PLD5: variants seen among roughly 807,000 people sequenced by gnomAD.
PLD5 encodes the protein phospholipase D family member 5.
In PLD5, 36 loss-of-function variants were observed where a neutral mutation model predicts 61.1. The observed-to-expected ratio is 0.59, with a 90% CI of 0.45 to 0.78. The LOEUF is 0.78. PLD5 is among the 30% of genes least tolerant of loss of function. PLD5 has a pLI of 0.00. For synonymous variants in PLD5, 243 were observed against 242.8 expected, an observed-to-expected ratio of 1.00 and a Z score of -0.01; for missense variants, 515 against 644.4, an observed-to-expected ratio of 0.80 and a Z score of 2.17.
chr1:242,116,020 T>C (rs1296390000), intron 6 of PLD5, among the ~76,000 whole-genome samples: 1 of 152,230 alleles, frequency 6.6e-6, no homozygotes, highest in Admixed American at 6.5e-5. Context: ...AGTTGCTGTT[T>C]TACTTTGACA....
At chr1:242,319,065 C>T (rs768066272) in intron 2 of PLD5, among the ~76,000 whole-genome samples, 10 of 152,182 alleles carry the variant, frequency 6.6e-5, no homozygotes, top group African/African-American at 9.6e-5. Flanking sequence ...AAGCCCTCCT[C>T]GAACATGGGG....
In PLD5 at chr1:242,411,437, G is replaced by A. The variant is rs566788759; in HGVS notation, c.190-63195C>T. Among the ~76,000 whole-genome samples, 522 of 152,058 alleles carry A rather than the reference G, an allele frequency of 3.4e-3. 1 individual carries two copies. Among genetic ancestry groups the A allele is most frequent in the Non-Finnish European group, 5.6e-3 (383 of 67,946 alleles). On this transcript the variant is annotated intron_variant, in intron 1 of 9. Coordinates refer to ENST00000536534, the MANE Select transcript of PLD5 (RefSeq NM_001372062.1). ...TTTTTAGTAGAGGCGGGGTTTCACC[G>A]TGTTAGCCAGGGTGGTCTCGATCTC...
In PLD5 at chr1:242,253,118, T is replaced by C. The variant is rs1296302510; in HGVS notation, c.607+12219A>G. Among the ~76,000 whole-genome samples the C allele has an allele frequency of 4.8e-5, 3 of 62,616 alleles. No homozygotes were observed. In the East Asian group the frequency reaches 2.3e-3, roughly 48 times the overall value. The allele number at this position is 62,616 out of a possible 152,430, so 41.1% of individuals were successfully genotyped here. A position where few individuals can be genotyped will look rare whatever the true frequency, so the allele number is the denominator to read the frequency against. Reference sequence around the variant, plus strand: ...GCGTGAGCCACCGTGTATGGCCCTTTTTTTTTTTTTTTTTTTTTTGAGGCA... The same window carrying C: ...GCGTGAGCCACCGTGTATGGCCCTTCTTTTTTTTTTTTTTTTTTTGAGGCA... On this transcript the variant is annotated intron_variant, in intron 4 of 9. Transcript: ENST00000536534.
At chr1:242,236,198 C>A (rs1247614895) in intron 4 of PLD5, among the ~76,000 whole-genome samples, 1 of 152,160 alleles carries the variant, frequency 6.6e-6, no homozygotes, top group Non-Finnish European at 1.5e-5. Flanking sequence ...TCTGCCAGCA[C>A]CTTGACCCTG....
In PLD5 at chr1:242,513,483, A is replaced by G. The variant is rs535282435; in HGVS notation, c.189+10605T>C. On this transcript the variant is annotated intron_variant, in intron 1 of 9. Coordinates refer to ENST00000536534, the MANE Select transcript of PLD5 (RefSeq NM_001372062.1). ...TGTTAAGGGTTATAATATGCTGTCC[A>G]TGGTGTTATGGGACCACAGAGGAGG... 2.1e-4 allele frequency among the ~76,000 whole-genome samples: 32 copies of G among 152,330 alleles called. 1 individual carries two copies. Among genetic ancestry groups the G allele is most frequent in the African/African-American group, 7.5e-4 (31 of 41,580 alleles).
At chr1:242,388,106 G>A (rs1284721441) in intron 1 of PLD5, among the ~76,000 whole-genome samples, 3 of 152,140 alleles carry the variant, frequency 2.0e-5, no homozygotes, top group Non-Finnish European at 2.9e-5. Context: ...CAGATTTAAC[G>A]TTGGAAACAA....
chr1:242,171,327 G>A (rs563994413), intron 5 of PLD5, among the ~76,000 whole-genome samples: 13 of 152,256 alleles, frequency 8.5e-5, no homozygotes, highest in Admixed American at 4.6e-4. Flanking sequence ...TTACAGACAA[G>A]CAAATGCTGA....
At chr1:242,358,947 C>T (rs1373825871) in intron 1 of PLD5, among the ~76,000 whole-genome samples, 1 of 151,866 alleles carries the variant, frequency 6.6e-6, no homozygotes, top group Non-Finnish European at 1.5e-5. Flanking sequence ...TTTCTCATTC[C>T]CTGAGGAGCT....
chr1:242,497,863 C>T (rs1007334075), intron 1 of PLD5, among the ~76,000 whole-genome samples: 1 of 152,230 alleles, frequency 6.6e-6, no homozygotes, highest in African/African-American at 2.4e-5. Flanking sequence ...AGGGTGGCTG[C>T]CCTCATGGGG....
At chr1:242,169,640 G>A (rs990715593) in intron 5 of PLD5, among the ~76,000 whole-genome samples, 1 of 152,126 alleles carries the variant, frequency 6.6e-6, no homozygotes, top group African/African-American at 2.4e-5. Flanking sequence ...GGTTCAGTGG[G>A]TCCTAACCCC....
intron 9 of PLD5, among the ~76,000 whole-genome samples, chr1:242,095,227 G>A (rs899601270): frequency 2.0e-5 from 3 of 151,556 alleles, no homozygotes; most frequent in African/African-American, 4.9e-5. Context: ...GAGCCATCGC[G>A]TCCGGCATAT....
chr1:242,447,872 G>A (rs544742636), intron 1 of PLD5, among the ~76,000 whole-genome samples: 6 of 152,226 alleles, frequency 3.9e-5, no homozygotes, highest in East Asian at 1.9e-4. Context: ...GTATGCTGGC[G>A]CGAGAGGGAC....
chr1:242,484,922 T>C (rs1445447426), intron 1 of PLD5, among the ~76,000 whole-genome samples: 1 of 152,162 alleles, frequency 6.6e-6, no homozygotes, highest in African/African-American at 2.4e-5. Flanking sequence ...AATCAGTAAA[T>C]GTAATCCAGC....
At chr1:242,112,147 G>T (rs75414586) in intron 7 of PLD5, among the ~76,000 whole-genome samples, 2,531 of 151,984 alleles carry the variant, frequency 0.017, 65 homozygotes, top group African/African-American at 0.056. Context: ...GTTTTGAAAC[G>T]TTCCCAAAGT....
intron 1 of PLD5, among the ~76,000 whole-genome samples, chr1:242,516,250 TTA>T (rs57043354): frequency 0.018 from 2,465 of 138,512 alleles, 34 homozygotes; most frequent in Admixed American, 0.045. Context: ...TAAAGTTAAA[TTA>T]TATATATATA....
intron 1 of PLD5, among the ~76,000 whole-genome samples, chr1:242,448,927 G>A (rs1446682722): frequency 6.6e-6 from 1 of 152,190 alleles, no homozygotes; most frequent in Non-Finnish European, 1.5e-5. Context: ...ACAATTCAAA[G>A]CAAGCTGCTT....
chr1:242,223,138 C>A (rs1670707458), intron 4 of PLD5, among the ~76,000 whole-genome samples: 1 of 152,134 alleles, frequency 6.6e-6, no homozygotes, highest in Non-Finnish European at 1.5e-5. Context: ...GAGGGTGCCT[C>A]CTCACTGTGT....
At chr1:242,464,355 C>T (rs1306795045) in intron 1 of PLD5, among the ~76,000 whole-genome samples, 1 of 152,180 alleles carries the variant, frequency 6.6e-6, no homozygotes, top group African/African-American at 2.4e-5. Context: ...GTTTAGGAGG[C>T]ATCTCACCCT....
At chr1:242,132,630 G>A (rs933347780) in intron 5 of PLD5, among the ~76,000 whole-genome samples, 9 of 152,048 alleles carry the variant, frequency 5.9e-5, no homozygotes, top group African/African-American at 2.2e-4. Flanking sequence ...TGTTACGGGG[G>A]ATAGAAAATC....
Sources: gnomAD v4.1 joint callset for allele counts (sites outside exome capture counted in the v4.1 genomes callset) on GRCh38, gnomAD v4.1.1 for gene constraint, MANE v1.5 for transcripts, NCBI Gene and HGNC (gene_info 2026-07-23, HGNC 2026-07-21) for gene names.